LHFPL3: variants seen among roughly 807,000 people sequenced by gnomAD.
LHFPL3 encodes the protein LHFPL tetraspan subfamily member 3, also known as LHFPL tetraspan subfamily member 3 protein.
Under a neutral mutation model 19.3 loss-of-function variants are expected in LHFPL3, and 5 were observed. That is an observed-to-expected ratio of 0.26 (90% CI 0.14 to 0.54). LHFPL3 has a LOEUF of 0.54. Among genes scored for constraint, LHFPL3 ranks in the 20% least tolerant of loss-of-function variants. The pLI, the probability that LHFPL3 is intolerant of heterozygous loss-of-function variation, is 0.94. For synonymous variants in LHFPL3, 133 were observed against 126.2 expected (o/e 1.05, Z -0.36); for missense variants, 249 against 307.4 (o/e 0.81, Z 1.42).
intron 1 of LHFPL3, among the ~76,000 whole-genome samples, chr7:104,359,151 C>T (rs1376317343): frequency 6.6e-6 from 1 of 152,182 alleles, no homozygotes; most frequent in Non-Finnish European, 1.5e-5. Flanking sequence ...TCTTCCTTGT[C>T]AACTAGAAAC....
At chr7:104,431,598 C>G (rs572961696) in intron 1 of LHFPL3, among the ~76,000 whole-genome samples, 7 of 152,162 alleles carry the variant, frequency 4.6e-5, no homozygotes, top group African/African-American at 1.4e-4. Context: ...AAAATGCTTC[C>G]AAAGTGGGCT....
intron 1 of LHFPL3, among the ~76,000 whole-genome samples, chr7:104,614,589 C>CTTCTCTTCTCT (rs750617770): frequency 1.6e-5 from 1 of 63,856 alleles, no homozygotes; most frequent in Non-Finnish European, 3.4e-5. Flanking sequence ...CTTCTCTTCT[C>CTTCTCTTCTCT]TCTCTTCTCT....
chr7:104,441,944 T>A (rs1377842654), intron 1 of LHFPL3, among the ~76,000 whole-genome samples: 1 of 152,204 alleles, frequency 6.6e-6, no homozygotes, highest in Non-Finnish European at 1.5e-5. Flanking sequence ...TCAGTTATAT[T>A]CTTAATTTTT....
intron 1 of LHFPL3, among the ~76,000 whole-genome samples, chr7:104,514,190 C>T (rs1040924279): frequency 6.6e-6 from 1 of 152,136 alleles, no homozygotes; most frequent in Non-Finnish European, 1.5e-5. Context: ...GAAGCTCTCT[C>T]TCTCTTTCTT....
intron 1 of LHFPL3, among the ~76,000 whole-genome samples, chr7:104,443,552 A>G (rs999852367): frequency 2.0e-5 from 3 of 152,230 alleles, no homozygotes; most frequent in Non-Finnish European, 4.4e-5. Context: ...GAATAGTCAG[A>G]AGCATTTAAG....
chr7:104,641,465 A>T (rs1791832275), intron 1 of LHFPL3, among the ~76,000 whole-genome samples: 1 of 152,240 alleles, frequency 6.6e-6, no homozygotes, highest in South Asian at 2.1e-4. Flanking sequence ...CTTGTGGAGT[A>T]ATTATCTCTC....
At chr7:104,887,333 G>A (rs535019024) in intron 2 of LHFPL3, among the ~76,000 whole-genome samples, 1 of 152,340 alleles carries the variant, frequency 6.6e-6, no homozygotes, top group South Asian at 2.1e-4. Flanking sequence ...TTTGTACGTA[G>A]AGATCCCAGA....
At chr7:104,876,021 G>C (rs1235377349) in intron 2 of LHFPL3, among the ~76,000 whole-genome samples, 1 of 152,144 alleles carries the variant, frequency 6.6e-6, no homozygotes, top group Non-Finnish European at 1.5e-5. Flanking sequence ...AAGAATTCCA[G>C]GGTCAAATAA....
At chr7:104,405,395 T>C (rs1001355070) in intron 1 of LHFPL3, among the ~76,000 whole-genome samples, 3 of 152,238 alleles carry the variant, frequency 2.0e-5, no homozygotes, top group Non-Finnish European at 2.9e-5. Flanking sequence ...GTACATTTAA[T>C]ATTTAATTTA....
At chr7:104,738,065 T>G (rs1793862941) in intron 2 of LHFPL3, among the ~76,000 whole-genome samples, 2 of 152,164 alleles carry the variant, frequency 1.3e-5, no homozygotes, top group Non-Finnish European at 2.9e-5. Context: ...AGAGCAGCAG[T>G]CACCCACAAA....
At chr7:104,807,978 C>T (rs1471671607) in intron 2 of LHFPL3, among the ~76,000 whole-genome samples, 1 of 152,240 alleles carries the variant, frequency 6.6e-6, no homozygotes, top group Non-Finnish European at 1.5e-5. Context: ...TGCAGTGAGG[C>T]AGTCTGAAAC....
chr7:104,753,306 A>G (rs1284715485), intron 2 of LHFPL3, among the ~76,000 whole-genome samples: 1 of 152,230 alleles, frequency 6.6e-6, no homozygotes, highest in Non-Finnish European at 1.5e-5. Flanking sequence ...GGCTTTTCAC[A>G]GAAACAATTG....
intron 2 of LHFPL3, among the ~76,000 whole-genome samples, chr7:104,831,338 G>T (rs985784167): frequency 6.6e-6 from 1 of 151,858 alleles, no homozygotes; most frequent in Non-Finnish European, 1.5e-5. Context: ...ATTCAATTCG[G>T]TCATAAGCTT....
intron 2 of LHFPL3, among the ~76,000 whole-genome samples, chr7:104,780,883 C>T (rs1794706727): frequency 6.6e-6 from 1 of 152,240 alleles, no homozygotes; most frequent in Non-Finnish European, 1.5e-5. Context: ...ATTCTCTGTC[C>T]TTCAACCTGA....
chr7:104,490,849 G>T (rs1003208249), intron 1 of LHFPL3, among the ~76,000 whole-genome samples: 11 of 152,044 alleles, frequency 7.2e-5, no homozygotes, highest in Non-Finnish European at 7.4e-5. Context: ...CCTCTCACAG[G>T]TTTCCTTTTG....
intron 1 of LHFPL3, among the ~76,000 whole-genome samples, chr7:104,624,567 A>G (rs1791509170): frequency 6.6e-6 from 1 of 152,182 alleles, no homozygotes. Context: ...CCTCCTCATC[A>G]CCGTACCTTC....
At chr7:104,712,668 G>T (rs956712428) in intron 1 of LHFPL3, among the ~76,000 whole-genome samples, 3 of 152,164 alleles carry the variant, frequency 2.0e-5, no homozygotes, top group South Asian at 2.1e-4. Flanking sequence ...GTCCCCTAGA[G>T]TTTTCAGAAC....
chr7:104,435,457 AT>A (rs1183946401), intron 1 of LHFPL3, among the ~76,000 whole-genome samples: 12 of 151,272 alleles, frequency 7.9e-5, no homozygotes, highest in Middle Eastern at 3.4e-3. Context: ...AAAAAGACTT[AT>A]TTTTTTATTT....
chr7:104,760,931 G>GAAA (rs11451788), intron 2 of LHFPL3, among the ~76,000 whole-genome samples: 10 of 91,512 alleles, frequency 1.1e-4, no homozygotes, highest in East Asian at 2.2e-4. Context: ...TATCACATCA[G>GAAA]AAAAAAAAAA....
Sources: gnomAD v4.1 joint callset for allele counts (sites outside exome capture counted in the v4.1 genomes callset) on GRCh38, gnomAD v4.1.1 for gene constraint, MANE v1.5 for transcripts, NCBI Gene and HGNC (gene_info 2026-07-23, HGNC 2026-07-21) for gene names.